Variants in LDLRAD4 observed in about 807,000 individuals in gnomAD.
The protein encoded by LDLRAD4 is low density lipoprotein receptor class A domain containing 4, also known as low-density lipoprotein receptor class A domain-containing protein 4.
Under a neutral mutation model 17.0 loss-of-function variants are expected in LDLRAD4, and 5 were observed. That is an observed-to-expected ratio of 0.29 (90% CI 0.15 to 0.62). The LOEUF (loss-of-function observed/expected upper bound fraction) is 0.62, where lower values mean the gene tolerates loss of function less well. LDLRAD4 is among the 20% of genes least tolerant of loss of function. The probability of loss-of-function intolerance (pLI) is 0.84; values close to 1 mark genes in which losing one functional copy is unlikely to be tolerated. For missense variants in LDLRAD4, 340 were observed against 424.7 expected, an observed-to-expected ratio of 0.80 and a Z score of 1.75; for synonymous variants, 168 against 171.8, an observed-to-expected ratio of 0.98 and a Z score of 0.17.
At chr18:13,606,335 CATAG>C (rs2095224262) in intron 3 of LDLRAD4, among the ~76,000 whole-genome samples, 1 of 152,298 alleles carries the variant, frequency 6.6e-6, no homozygotes, top group African/African-American at 2.4e-5. Context: ...CGCTTAGTAG[CATAG>C]ATAATGTGTA....
At chr18:13,295,436 C>T (rs992128962) in intron 1 of LDLRAD4, among the ~76,000 whole-genome samples, 20 of 152,166 alleles carry the variant, frequency 1.3e-4, no homozygotes, top group African/African-American at 4.8e-5. Context: ...GGAAGCCTGG[C>T]GTGGGTGCAG....
chr18:13,623,312 A>AT (rs1400940386), intron 4 of LDLRAD4, among the ~76,000 whole-genome samples: 9 of 152,338 alleles, frequency 5.9e-5, no homozygotes, highest in Middle Eastern at 3.4e-3. Context: ...AGGTGAAGAC[A>AT]TTCGGCAGCC....
At chr18:13,531,951 T>A (rs1223068571) in intron 3 of LDLRAD4, among the ~76,000 whole-genome samples, 1 of 152,180 alleles carries the variant, frequency 6.6e-6, no homozygotes, top group Non-Finnish European at 1.5e-5. Context: ...TGCCAGTGGC[T>A]GTTTGTGCTG....
intron 3 of LDLRAD4, among the ~76,000 whole-genome samples, chr18:13,545,174 A>T (rs1225691850): frequency 1.3e-5 from 2 of 151,910 alleles, no homozygotes; most frequent in East Asian, 1.9e-4. Context: ...GATGCTGCTG[A>T]TGGAGTACCT....
At chr18:13,295,847 G>A (rs2046242279) in intron 1 of LDLRAD4, among the ~76,000 whole-genome samples, 1 of 152,230 alleles carries the variant, frequency 6.6e-6, no homozygotes, top group Non-Finnish European at 1.5e-5. Context: ...AAAAAGAATT[G>A]TATTTGGGGT....
At chr18:13,372,883 C>T (rs1472997375) in intron 1 of LDLRAD4, among the ~76,000 whole-genome samples, 2 of 152,208 alleles carry the variant, frequency 1.3e-5, no homozygotes, top group African/African-American at 4.8e-5. Context: ...GGGGCCGAGG[C>T]GGCATGGCCT....
chr18:13,327,470 T>C (rs984044102), intron 1 of LDLRAD4, among the ~76,000 whole-genome samples: 3 of 152,082 alleles, frequency 2.0e-5, no homozygotes, highest in African/African-American at 7.2e-5. Flanking sequence ...GAGGGGGTCA[T>C]TGTTGAAGAG....
At chr18:13,371,493 G>A (rs1178195021) in intron 1 of LDLRAD4, among the ~76,000 whole-genome samples, 1 of 152,166 alleles carries the variant, frequency 6.6e-6, no homozygotes, top group African/African-American at 2.4e-5. Flanking sequence ...AGTTGGCCGG[G>A]CGCAGTGGCT....
At chr18:13,260,033 T>G (rs2043727811) in intron 1 of LDLRAD4, among the ~76,000 whole-genome samples, 1 of 152,224 alleles carries the variant, frequency 6.6e-6, no homozygotes, top group African/African-American at 2.4e-5. Context: ...CCTCTCGGAT[T>G]TCTTGGGAGG....
intron 1 of LDLRAD4, among the ~76,000 whole-genome samples, chr18:13,282,243 A>G (rs1469228857): frequency 1.3e-5 from 2 of 152,040 alleles, no homozygotes; most frequent in Non-Finnish European, 2.9e-5. Context: ...GACCCCTCCA[A>G]ATCTCACATC....
intron 2 of LDLRAD4, among the ~76,000 whole-genome samples, chr18:13,390,698 G>A (rs117065184): frequency 1.3e-5 from 2 of 152,292 alleles, no homozygotes; most frequent in East Asian, 1.9e-4. Context: ...CCTTCAGCAG[G>A]GGGGATCAAA....
chr18:13,491,626 G>A (rs771219919), intron 3 of LDLRAD4: 3 of 152,184 alleles, frequency 2.0e-5, no homozygotes, highest in East Asian at 1.9e-4. Flanking sequence ...AGATGCTAAC[G>A]TTTGATTTTA....
chr18:13,567,729 T>G (rs2094625500), intron 3 of LDLRAD4, among the ~76,000 whole-genome samples: 1 of 148,412 alleles, frequency 6.7e-6, no homozygotes, highest in Admixed American at 6.9e-5. Flanking sequence ...TTTTGAAAAT[T>G]GAGCTATGAG....
At chr18:13,383,728 T>C (rs1267492836) in intron 1 of LDLRAD4, among the ~76,000 whole-genome samples, 1 of 152,180 alleles carries the variant, frequency 6.6e-6, no homozygotes, top group East Asian at 1.9e-4. Context: ...GAGTTTTCTC[T>C]GGGTCCTGAT....
intron 3 of LDLRAD4, among the ~76,000 whole-genome samples, chr18:13,583,314 C>A (rs1157747368): frequency 6.6e-6 from 1 of 151,998 alleles, no homozygotes; most frequent in Admixed American, 6.5e-5. Context: ...TAGTCTAAAT[C>A]TGCAGATGAC....
At chr18:13,364,183 G>A (rs2083892384) in intron 1 of LDLRAD4, among the ~76,000 whole-genome samples, 1 of 152,148 alleles carries the variant, frequency 6.6e-6, no homozygotes, top group Non-Finnish European at 1.5e-5. Context: ...CTCTGAAGGA[G>A]ACATGCCAAG....
At chr18:13,570,008 T>G (rs1355987527) in intron 3 of LDLRAD4, among the ~76,000 whole-genome samples, 1 of 152,252 alleles carries the variant, frequency 6.6e-6, no homozygotes, top group East Asian at 1.9e-4. Flanking sequence ...CCATCAAAAT[T>G]AAGCTGCTGG....
chr18:13,635,931 CTGTGTGTG>C (rs60695092), intron 4 of LDLRAD4, among the ~76,000 whole-genome samples: 57,409 of 147,254 alleles, frequency 0.39, 12,611 homozygotes, highest in Middle Eastern at 0.52. Context: ...GACAGCTATG[CTGTGTGTG>C]TGTGTGTGTG....
Position 13,370,627 on chromosome 18 carries a change from C to T in LDLRAD4, c.-382-16714C>T, listed in dbSNP as rs114605584. On this transcript the variant is annotated intron_variant, in intron 1 of 5. Coordinates refer to ENST00000359446, the Ensembl canonical transcript of LDLRAD4. ...TGGCCCAGAGAAACCGCGGGAAATG[C>T]TCCATGGAGACTGCCATTTTCTGTG... Among the ~76,000 whole-genome samples, 1,020 of 151,982 alleles carry T rather than the reference C, an allele frequency of 6.7e-3. 12 individuals are homozygous for T. Among genetic ancestry groups the T allele is most frequent in the African/African-American group, 0.024 (976 of 41,426 alleles).
Sources: allele counts gnomAD v4.1 joint callset (sites outside exome capture counted in the v4.1 genomes callset), GRCh38; gene constraint gnomAD v4.1.1; transcripts MANE v1.5; gene names NCBI Gene and HGNC (gene_info 2026-07-23, HGNC 2026-07-21).